PDE4DIP: variants seen among roughly 807,000 people sequenced by gnomAD.
PDE4DIP encodes phosphodiesterase 4D interacting protein.
Under a neutral mutation model 221.4 loss-of-function variants are expected in PDE4DIP, and 59 were observed. The observed-to-expected ratio is 0.27, with a 90% confidence interval of 0.22 to 0.33. The LOEUF (loss-of-function observed/expected upper bound fraction) is 0.33, where lower values mean the gene tolerates loss of function less well. Ranked by LOEUF, PDE4DIP falls within the 10% of genes least tolerant of loss-of-function variation. PDE4DIP has a pLI of 1.00. For missense variants in PDE4DIP, 1,036 were observed against 2,154.2 expected (o/e 0.48, Z 10.28); for synonymous variants, 404 against 815.9 (o/e 0.50, Z 8.60).
chr1:149,025,218 A>G (rs1280921483), intron 38 of PDE4DIP, among the ~76,000 whole-genome samples: 5 of 151,992 alleles, frequency 3.3e-5, no homozygotes, highest in African/African-American at 1.2e-4. Flanking sequence ...TAGAGAAGTT[A>G]TAGACAAAGC....
chr1:148,938,646 A>G (rs1310951736), intron 5 of PDE4DIP, among the ~76,000 whole-genome samples: 4 of 152,248 alleles, frequency 2.6e-5, no homozygotes, highest in Admixed American at 2.6e-4. Context: ...GTTATTGATC[A>G]TCTATGAGCT....
At chr1:148,824,448 C>T (rs1447240130) in intron 1 of PDE4DIP, among the ~76,000 whole-genome samples, 1 of 130,982 alleles carries the variant, frequency 7.6e-6, no homozygotes, top group African/African-American at 2.9e-5. Flanking sequence ...AGCAACATTC[C>T]ATCACTGCTG....
Position 148,929,784 on chromosome 1 carries a change from C to T in PDE4DIP, c.218+511C>T, listed in dbSNP as rs139005458. 737 of 153,848 alleles carry T rather than the reference C, an allele frequency of 4.8e-3. 2 individuals are homozygous for T. Among genetic ancestry groups the T allele is most frequent in the Non-Finnish European group, 7.4e-3 (513 of 69,032 alleles). The allele number at this position is 153,848 out of a possible 1,614,324, so 9.5% of individuals were successfully genotyped here. A position where few individuals can be genotyped will look rare whatever the true frequency, so the allele number is the denominator to read the frequency against. ...GGAATCTGTTTCTTATAAATAAAAG[C>T]GTTAGTGTGAAAGGATAAATGTATA... On this transcript the variant is annotated intron_variant, in intron 2 of 43. Transcript: ENST00000369354.
At chr1:148,944,131 T>TTCTC (rs2151029883) in intron 5 of PDE4DIP, among the ~76,000 whole-genome samples, 1 of 152,338 alleles carries the variant, frequency 6.6e-6, no homozygotes, top group Non-Finnish European at 1.5e-5. Flanking sequence ...GAACGCAGTA[T>TTCTC]GGAGAAATGA....
chr1:149,031,574 T>C lies in PDE4DIP; in HGVS notation c.7000-370T>C, dbSNP rs1283007111. Among the ~76,000 whole-genome samples, 16 of 147,352 alleles carry C rather than the reference T, an allele frequency of 1.1e-4. No individual in the cohort carries two copies. The East Asian group carries it at 1.6e-3, about 15-fold the overall frequency. On this transcript the variant is annotated intron_variant, in intron 43 of 43. Coordinates refer to ENST00000369354, the Ensembl canonical transcript of PDE4DIP. ...TCCTCTTCTTCCTACAAACAGGCTGTTTCTATATGTGCATGTTTCATGCTA... is the reference window on the plus strand; with the variant it reads ...TCCTCTTCTTCCTACAAACAGGCTGCTTCTATATGTGCATGTTTCATGCTA...
At position 149,021,776 on chromosome 1, in the gene PDE4DIP, C is replaced by T. The variant is rs587735804; in HGVS notation, c.6085+623C>T. 3.1e-4 allele frequency: 45 copies of T among 147,046 alleles called. No homozygotes were observed. The South Asian group carries it at 0.01, about 34-fold the overall frequency. The allele number at this position is 147,046 out of a possible 1,614,324, so 9.1% of individuals were successfully genotyped here. A position where few individuals can be genotyped will look rare whatever the true frequency, so the allele number is the denominator to read the frequency against. On this transcript the variant is annotated intron_variant, in intron 37 of 43. Coordinates refer to ENST00000369354, the Ensembl canonical transcript of PDE4DIP. ...GACACAAAAACAAAAACAAAAAAAC[C>T]TTATAGAAATACCACTAATAGGACC...
exon 14 of PDE4DIP, chr1:148,968,950 C>G (rs587712968): frequency 1.2e-6 from 2 of 1,611,980 alleles, no homozygotes; most frequent in Non-Finnish European, 1.7e-6. Flanking sequence ...TCTAAGTGAT[C>G]GAAATAAACA....
chr1:148,863,339 CT>C, intron 2 of PDE4DIP, 34 bp downstream of exon 2: 1 of 448,470 alleles, frequency 2.2e-6, no homozygotes, highest in Non-Finnish European at 3.5e-6. Context: ...TTGTTAAATT[CT>C]TTGTTTCTTT....
At chr1:148,875,148 T>TA (rs1220658485) in intron 3 of PDE4DIP, among the ~76,000 whole-genome samples, 39 of 93,470 alleles carry the variant, frequency 4.2e-4, no homozygotes, top group East Asian at 3.4e-3. Context: ...CATTTTTATT[T>TA]AAAAAAAATG....
chr1:148,980,424 G>A (rs1167984448), intron 20 of PDE4DIP, among the ~76,000 whole-genome samples: 2 of 152,032 alleles, frequency 1.3e-5, no homozygotes, highest in Non-Finnish European at 2.9e-5. Context: ...GCTATAATGG[G>A]CACTGATATT....
intron 37 of PDE4DIP, among the ~76,000 whole-genome samples, chr1:149,022,916 T>A (rs1292095627): frequency 6.6e-6 from 1 of 152,004 alleles, no homozygotes; most frequent in African/African-American, 2.4e-5. Flanking sequence ...TATAAGGTGC[T>A]ATTGGGAAGA....
chr1:148,902,797 A>G (rs2040951692), intron 1 of PDE4DIP, among the ~76,000 whole-genome samples: 1 of 105,976 alleles, frequency 9.4e-6, no homozygotes, highest in Non-Finnish European at 1.8e-5. Flanking sequence ...TTCTTTATCC[A>G]CTCATTGATT....
chr1:148,821,495 T>C (rs1669242652), intron 1 of PDE4DIP, among the ~76,000 whole-genome samples: 1 of 150,686 alleles, frequency 6.6e-6, no homozygotes, highest in Admixed American at 6.6e-5. Context: ...ATTTCTGATA[T>C]TAATAAAGTT....
chr1:148,846,522 T>C, intron 1 of PDE4DIP, among the ~76,000 whole-genome samples: 1 of 53,724 alleles, frequency 1.9e-5, no homozygotes, highest in Non-Finnish European at 3.3e-5. Flanking sequence ...TTTGGGAGGC[T>C]GAGGGGGGCG....
intron 5 of PDE4DIP, among the ~76,000 whole-genome samples, chr1:148,940,223 CAA>C (rs2150931903): frequency 7.0e-6 from 1 of 142,702 alleles, no homozygotes; most frequent in Admixed American, 7.1e-5. Flanking sequence ...ATTATAATTT[CAA>C]AGAGACTAAA....
At chr1:148,885,792 A>AAT (rs1695811609), upstream of PDE4DIP, among the ~76,000 whole-genome samples, 1 of 92,800 alleles carries the variant, frequency 1.1e-5, no homozygotes, top group South Asian at 3.6e-4. Context: ...ATATATATAA[A>AAT]ATATATATAT....
chr1:149,009,743 A>G, exon 30 of PDE4DIP: 1 of 1,613,758 alleles, frequency 6.2e-7, no homozygotes, highest in South Asian at 1.1e-5. Context: ...GGACATAGTC[A>G]GCGAGTACAC....
chr1:149,001,067 A>G (rs1169652924), intron 23 of PDE4DIP, among the ~76,000 whole-genome samples: 3 of 152,218 alleles, frequency 2.0e-5, no homozygotes, highest in African/African-American at 7.2e-5. Flanking sequence ...GGTTATCTCT[A>G]TCACGTGAGC....
intron 5 of PDE4DIP, chr1:148,952,750 T>G (rs201033064): frequency 1.6e-4 from 204 of 1,301,124 alleles, no homozygotes; most frequent in Non-Finnish European, 2.0e-4. Flanking sequence ...CGCCGCCGCC[T>G]CGGGAAGCTT....
Sources: allele counts gnomAD v4.1 joint callset (sites outside exome capture counted in the v4.1 genomes callset), GRCh38; gene constraint gnomAD v4.1.1; transcripts MANE v1.5; gene names NCBI Gene and HGNC (gene_info 2026-07-23, HGNC 2026-07-21).